The following PTPN3 variants were observed in gnomAD, a reference collection of about 807,000 sequenced individuals.
The protein encoded by PTPN3 is protein tyrosine phosphatase non-receptor type 3.
In PTPN3, 96 loss-of-function variants were observed where a neutral mutation model predicts 132.7. The ratio of observed to expected loss-of-function variants is 0.72; its 90% CI spans 0.61 to 0.86. The LOEUF is 0.86. Ranked by LOEUF, PTPN3 falls within the 40% of genes least tolerant of loss-of-function variation. The pLI is 0.00. For synonymous variants in PTPN3, 398 were observed against 429.0 expected (o/e 0.93, Z 0.89); for missense variants, 1,125 against 1,159.6 (o/e 0.97, Z 0.43).
intron 2 of PTPN3, among the ~76,000 whole-genome samples, chr9:109,461,293 C>T (rs1845832819): frequency 6.6e-6 from 1 of 152,164 alleles, no homozygotes; most frequent in South Asian, 2.1e-4. Flanking sequence ...TCAGGCCCCA[C>T]CCCACAGAGA....
At chr9:109,523,564 G>A in the PTPN3 span, among the ~76,000 whole-genome samples, 101 of 152,370 alleles carry the variant, frequency 6.6e-4, no homozygotes, top group African/African-American at 2.3e-3. Flanking sequence ...GAAGACTCAA[G>A]GAGAGAAAAC....
In PTPN3 at chr9:109,402,108, C is replaced by T. The variant is rs533672711; in HGVS notation, c.1953+2340G>A. Among the ~76,000 whole-genome samples the T allele has an allele frequency of 5.9e-5, 9 of 152,242 alleles. No individual in the cohort carries two copies. In the South Asian group the frequency reaches 1.5e-3, roughly 25 times the overall value. On this transcript the variant is annotated intron_variant, in intron 19 of 25. Transcript: ENST00000374541. ...CACACTCGCTAAATCAACAAACAAACGACTTCTCACTGCCTTTCCTGTCCT... is the reference window on the plus strand; with the variant it reads ...CACACTCGCTAAATCAACAAACAAATGACTTCTCACTGCCTTTCCTGTCCT...
chr9:109,501,470 G>T (rs1262255720), upstream of PTPN3, among the ~76,000 whole-genome samples: 3 of 152,174 alleles, frequency 2.0e-5, no homozygotes, highest in African/African-American at 7.2e-5. Flanking sequence ...TGATGTGTTT[G>T]TAGGCTACAG....
intron 19 of PTPN3, among the ~76,000 whole-genome samples, chr9:109,396,955 C>A (rs549507650): frequency 6.6e-6 from 1 of 152,170 alleles, no homozygotes; most frequent in Non-Finnish European, 1.5e-5. Flanking sequence ...CTCTAACCAG[C>A]GGATGCTGGC....
Position 109,381,875 on chromosome 9 carries a change from G to A in PTPN3, c.2529-88C>T, listed in dbSNP as rs561334180. ...GAGCAGTTCCCCGCTGACTCCAAAGGGGCTTTCCTCCCTTGGCCTTCGAGA... is the reference window on the plus strand; with the variant it reads ...GAGCAGTTCCCCGCTGACTCCAAAGAGGCTTTCCTCCCTTGGCCTTCGAGA... On this transcript the variant is annotated intron_variant, in intron 24 of 25. Transcript: ENST00000374541. The A allele has an allele frequency of 4.9e-4, 749 of 1,518,602 alleles. 4 individuals are homozygous for A. Among genetic ancestry groups the A allele is most frequent in the South Asian group, 3.9e-3 (345 of 87,838 alleles). The allele number at this position is 1,518,602 out of a possible 1,614,324, so 94.1% of individuals were successfully genotyped here. A position where few individuals can be genotyped will look rare whatever the true frequency, so the allele number is the denominator to read the frequency against.
intron 1 of PTPN3, among the ~76,000 whole-genome samples, chr9:109,481,066 AAATATCAACAAC>A (rs1846936714): frequency 6.6e-6 from 1 of 152,222 alleles, no homozygotes; most frequent in Non-Finnish European, 1.5e-5. Context: ...ATTAAGAATT[AAATATCAACAAC>A]GGCATTTACA....
the PTPN3 span, chr9:109,534,425 T>C: frequency 1.4e-6 from 2 of 1,386,232 alleles, no homozygotes; most frequent in South Asian, 1.5e-5. Context: ...GTGGGGCTGC[T>C]CAGGGCTCTC....
chr9:109,422,105 T>G (rs1842922692), intron 13 of PTPN3, among the ~76,000 whole-genome samples: 4 of 151,394 alleles, frequency 2.6e-5, no homozygotes. Flanking sequence ...ATGGGGAAAC[T>G]GAGGCTACAG....
At position 109,427,099 on chromosome 9, in the gene PTPN3, C is replaced by T. The variant is rs1843333806; in HGVS notation, c.852G>A (p.Val284=). 1.2e-6 allele frequency: 2 copies of T among 1,613,956 alleles called. No individual in the cohort carries two copies. The highest frequency in any genetic ancestry group is 1.7e-6 in the Non-Finnish European group (2 of 1,180,002). Residue 284 remains valine (V), a synonymous_variant, in exon 12 of 26, where the codon GTG becomes GTA. Transcript: ENST00000374541. ...ATCGGTAATTCAGCATGTTGAAGGC[C>T]ACAATATGTTCCCTGGATTCAGCCT... is the stretch of plus-strand genomic sequence containing the variant. ...QKQAESREHI[V]AFNMLNYRSC...
chr9:109,458,033 TC>T (rs1845653690), intron 2 of PTPN3, among the ~76,000 whole-genome samples: 1 of 152,134 alleles, frequency 6.6e-6, no homozygotes, highest in South Asian at 2.1e-4. Flanking sequence ...TCCATTGCCT[TC>T]CCCGCTCCAT....
At chr9:109,511,625 C>G in the PTPN3 span, 1 of 153,104 alleles carries the variant, frequency 6.5e-6, no homozygotes, top group Non-Finnish European at 1.5e-5. Flanking sequence ...GGAGAGGGGC[C>G]CAGCCAGGCC....
chr9:109,484,721 C>T (rs1245496898), intron 1 of PTPN3, among the ~76,000 whole-genome samples: 3 of 152,202 alleles, frequency 2.0e-5, no homozygotes, highest in Admixed American at 1.3e-4. Context: ...CCCATTCCCT[C>T]ACCCCACATC....
In PTPN3 at chr9:109,481,026, A is replaced by G. The variant is rs541100239; in HGVS notation, c.-18+17193T>C. Reference sequence around the variant, plus strand: ...CCACAGCTGGCTGGGAGACTCTTTCATAACAAAGGAAATCTAATAGGCTAA... The same window carrying G: ...CCACAGCTGGCTGGGAGACTCTTTCGTAACAAAGGAAATCTAATAGGCTAA... On this transcript the variant is annotated intron_variant, in intron 1 of 25. Transcript: ENST00000374541. Among the ~76,000 whole-genome samples the G allele has an allele frequency of 3.8e-4, 58 of 152,334 alleles. No individual in the cohort carries two copies. In the South Asian group the frequency reaches 4.6e-3, roughly 12 times the overall value.
chr9:109,393,385 T>C (rs1034981112), intron 19 of PTPN3, among the ~76,000 whole-genome samples: 1 of 130,292 alleles, frequency 7.7e-6, no homozygotes, highest in African/African-American at 3.4e-5. Flanking sequence ...TTTTTTTGTC[T>C]TTTTTTTTTT....
intron 1 of PTPN3, among the ~76,000 whole-genome samples, chr9:109,489,774 T>C (rs1449410844): frequency 6.6e-6 from 1 of 152,008 alleles, no homozygotes; most frequent in East Asian, 1.9e-4. Flanking sequence ...TCTGCTTGTA[T>C]ATCTGCAAGG....
chr9:109,425,064 T>C (rs1843143634), intron 12 of PTPN3, among the ~76,000 whole-genome samples: 1 of 152,208 alleles, frequency 6.6e-6, no homozygotes, highest in African/African-American at 2.4e-5. Flanking sequence ...AAGTCAATGA[T>C]ATAATCCAGT....
the PTPN3 span, among the ~76,000 whole-genome samples, chr9:109,512,884 C>T: frequency 6.6e-6 from 1 of 152,212 alleles, no homozygotes; most frequent in Non-Finnish European, 1.5e-5. Flanking sequence ...TTTCCTTCCC[C>T]TGGTCCTTTT....
intron 19 of PTPN3, among the ~76,000 whole-genome samples, chr9:109,399,536 G>A (rs35976468): frequency 6.6e-6 from 1 of 151,928 alleles, no homozygotes; most frequent in African/African-American, 2.4e-5. Flanking sequence ...AAGTGCTCTA[G>A]AAATGCTAAT....
At chr9:109,409,862 C>T (rs185693229) in intron 16 of PTPN3, 137 bp downstream of exon 16, 3 of 1,361,972 alleles carry the variant, frequency 2.2e-6, no homozygotes, top group Admixed American at 3.0e-5. Context: ...ACAAAAAAAA[C>T]CCCCAACTCT....
Sources: allele counts gnomAD v4.1 joint callset (sites outside exome capture counted in the v4.1 genomes callset), GRCh38; gene constraint gnomAD v4.1.1; transcripts MANE v1.5; gene names NCBI Gene and HGNC (gene_info 2026-07-23, HGNC 2026-07-21).